Variants in SFMBT2 observed in about 807,000 individuals in gnomAD.
The protein encoded by SFMBT2 is scm-like with four MBT domains protein 2.
Under a neutral mutation model 110.1 loss-of-function variants are expected in SFMBT2, and 38 were observed. That is an observed-to-expected ratio of 0.35 (90% CI 0.27 to 0.45). The LOEUF (loss-of-function observed/expected upper bound fraction) is 0.45. Ranked by LOEUF, SFMBT2 falls within the 20% of genes least tolerant of loss-of-function variation. The probability of loss-of-function intolerance (pLI) is 1.00; values close to 1 mark genes in which losing one functional copy is unlikely to be tolerated. For missense variants in SFMBT2, 1,011 were observed against 1,094.9 expected (o/e 0.92, Z 1.08); for synonymous variants, 425 against 425.4 (o/e 1.00, Z 0.01).
intron 8 of SFMBT2, among the ~76,000 whole-genome samples, chr10:7,247,126 G>A (rs547097227): frequency 2.0e-5 from 3 of 152,186 alleles, no homozygotes; most frequent in African/African-American, 7.2e-5. Flanking sequence ...GTTGTTGTTT[G>A]TTTGTTTTGA....
At chr10:7,234,187 T>C (rs1283485581) in intron 9 of SFMBT2, among the ~76,000 whole-genome samples, 1 of 151,952 alleles carries the variant, frequency 6.6e-6, no homozygotes, top group Non-Finnish European at 1.5e-5. Context: ...CTCTGTGTTT[T>C]TACGTTCATG....
In SFMBT2 at chr10:7,309,078, G is replaced by A. The variant is rs555654873; in HGVS notation, c.437-23124C>T. 4.6e-5 allele frequency among the ~76,000 whole-genome samples: 7 copies of A among 152,324 alleles called. No homozygotes were observed. The South Asian group carries it at 6.2e-4, about 14-fold the overall frequency. On this transcript the variant is annotated intron_variant, in intron 4 of 20. Transcript: ENST00000397167. ...GCCAAACATTATTCTGGGTGCATCC[G>A]CGAGGGTGTTTCCGAAAGAGGCTAA...
At chr10:7,241,329 T>C (rs1840424094) in intron 9 of SFMBT2, 1 of 982,898 alleles carries the variant, frequency 1.0e-6, no homozygotes, top group African/African-American at 1.7e-5. Flanking sequence ...ACTTCTTGAA[T>C]GCTTTAATGG....
chr10:7,211,919 C>T (rs1476682053), intron 11 of SFMBT2, among the ~76,000 whole-genome samples: 2 of 152,140 alleles, frequency 1.3e-5, no homozygotes, highest in Non-Finnish European at 2.9e-5. Flanking sequence ...CTGAACCACA[C>T]CATTGTTCCA....
chr10:7,394,251 T>C (rs557972039), intron 1 of SFMBT2, among the ~76,000 whole-genome samples: 1 of 152,264 alleles, frequency 6.6e-6, no homozygotes, highest in South Asian at 2.1e-4. Context: ...GAGATGATTT[T>C]TTATATCAGA....
intron 5 of SFMBT2, chr10:7,285,629 A>G: frequency 2.1e-6 from 1 of 470,488 alleles, no homozygotes; most frequent in Non-Finnish European, 3.9e-6. Context: ...TAAAAATTGG[A>G]TTCACATAGA....
intron 15 of SFMBT2, among the ~76,000 whole-genome samples, chr10:7,191,324 G>C (rs971315886): frequency 1.3e-5 from 2 of 152,172 alleles, no homozygotes; most frequent in Non-Finnish European, 1.5e-5. Flanking sequence ...CAGATGCCTG[G>C]TGAGAGCACA....
At chr10:7,219,069 A>G (rs1839637186) in intron 11 of SFMBT2, among the ~76,000 whole-genome samples, 1 of 152,232 alleles carries the variant, frequency 6.6e-6, no homozygotes, top group South Asian at 2.1e-4. Flanking sequence ...AATAATGCAA[A>G]CAAGAGTCCA....
At chr10:7,271,784 C>T (rs772537512) in intron 7 of SFMBT2, among the ~76,000 whole-genome samples, 11 of 152,284 alleles carry the variant, frequency 7.2e-5, no homozygotes, top group Admixed American at 3.3e-4. Context: ...ATGAAAGGCA[C>T]GTCTCACATG....
intron 4 of SFMBT2, among the ~76,000 whole-genome samples, chr10:7,309,104 C>G (rs966316987): frequency 2.6e-5 from 4 of 152,184 alleles, no homozygotes; most frequent in Non-Finnish European, 4.4e-5. Context: ...AAGAGGCTAA[C>G]ATTTGAAATT....
intron 11 of SFMBT2, among the ~76,000 whole-genome samples, chr10:7,211,115 G>C (rs1482943085): frequency 6.6e-6 from 1 of 152,130 alleles, no homozygotes; most frequent in Non-Finnish European, 1.5e-5. Flanking sequence ...ATTTAAACCT[G>C]GGCAGTCCAG....
chr10:7,251,138 T>C (rs747917486), intron 7 of SFMBT2, among the ~76,000 whole-genome samples: 2 of 150,918 alleles, frequency 1.3e-5, no homozygotes, highest in Non-Finnish European at 3.0e-5. Context: ...AGTATGTACA[T>C]CTATTATGTA....
At chr10:7,284,274 G>C (rs533220937) in intron 5 of SFMBT2, 124 bp from the exon 6 acceptor site, 2 of 1,484,230 alleles carry the variant, frequency 1.3e-6, no homozygotes, top group African/African-American at 2.8e-5. Flanking sequence ...ACAGTCTGGC[G>C]TTCCCTCCAC....
chr10:7,338,815 G>C (rs1843800334), intron 4 of SFMBT2, among the ~76,000 whole-genome samples: 1 of 152,122 alleles, frequency 6.6e-6, no homozygotes, highest in South Asian at 2.1e-4. Context: ...TCCTCCCTAA[G>C]TCAGTCCTGC....
intron 4 of SFMBT2, among the ~76,000 whole-genome samples, chr10:7,354,722 A>C (rs1188472381): frequency 6.6e-6 from 1 of 152,218 alleles, no homozygotes; most frequent in Non-Finnish European, 1.5e-5. Flanking sequence ...TAAGATTTAC[A>C]AGTTATTAAT....
At chr10:7,280,088 T>C (rs1841906887) in intron 6 of SFMBT2, among the ~76,000 whole-genome samples, 1 of 152,122 alleles carries the variant, frequency 6.6e-6, no homozygotes, top group African/African-American at 2.4e-5. Context: ...ACACCAGAGT[T>C]CTCTCTTGAT....
chr10:7,298,648 T>C (rs570012901), intron 4 of SFMBT2, among the ~76,000 whole-genome samples: 1 of 152,324 alleles, frequency 6.6e-6, no homozygotes, highest in East Asian at 1.9e-4. Flanking sequence ...TGTGTATGTA[T>C]ATGTGTGTAT....
chr10:7,349,619 A>G (rs1239273176), intron 4 of SFMBT2, among the ~76,000 whole-genome samples: 4 of 150,396 alleles, frequency 2.7e-5, no homozygotes, highest in African/African-American at 9.8e-5. Flanking sequence ...CACCACACCC[A>G]GCTAATTTTT....
chr10:7,236,325 G>T (rs1452995529), intron 9 of SFMBT2, among the ~76,000 whole-genome samples: 2 of 152,004 alleles, frequency 1.3e-5, no homozygotes, highest in African/African-American at 4.8e-5. Context: ...TACAAGAATG[G>T]CCTGCCAAAA....
Sources: allele counts gnomAD v4.1 joint callset (sites outside exome capture counted in the v4.1 genomes callset), GRCh38; gene constraint gnomAD v4.1.1; transcripts MANE v1.5; gene names NCBI Gene and HGNC (gene_info 2026-07-23, HGNC 2026-07-21).